The following ACACB variants were observed in gnomAD, a reference collection of about 807,000 sequenced individuals.
ACACB encodes the protein acetyl-CoA carboxylase beta.
A neutral mutation model predicts 278.8 loss-of-function variants in ACACB; 209 were observed. The observed-to-expected ratio is 0.75, with a 90% confidence interval of 0.67 to 0.84. The LOEUF (loss-of-function observed/expected upper bound fraction) is 0.84, where lower values mean the gene tolerates loss of function less well. ACACB is among the 40% of genes least tolerant of loss of function. The pLI is 0.00. For missense variants in ACACB, 2,850 were observed against 3,269.0 expected, an observed-to-expected ratio of 0.87 and a Z score of 3.13; for synonymous variants, 1,174 against 1,285.6, an observed-to-expected ratio of 0.91 and a Z score of 1.86.
At position 109,152,364 on chromosome 12, in the gene ACACB, C is replaced by A. The variant is rs758884676; in HGVS notation, c.653+12306C>A. Among the ~76,000 whole-genome samples the A allele has an allele frequency of 1.1e-3, 163 of 152,240 alleles. 4 individuals are homozygous for A. The highest frequency in any genetic ancestry group is 5.3e-4 in the African/African-American group (22 of 41,536). On this transcript the variant is annotated intron_variant, in intron 2 of 52. Coordinates refer to ENST00000338432, the MANE Select transcript of ACACB (RefSeq NM_001093.4). ...AATACTTGTTGGTTTTGGTTTGAAT[C>A]TCTAAAAATCAGGATACAGTGGGTT...
chr12:109,190,855 G>T (rs2044850409), intron 13 of ACACB, among the ~76,000 whole-genome samples: 1 of 151,986 alleles, frequency 6.6e-6, no homozygotes. Flanking sequence ...TTGAACTCAT[G>T]CCTCAAGCAA....
chr12:109,256,487 G>A (rs765276625), intron 45 of ACACB, among the ~76,000 whole-genome samples: 1 of 152,154 alleles, frequency 6.6e-6, no homozygotes, highest in Non-Finnish European at 1.5e-5. Flanking sequence ...AACCCCTTTG[G>A]GCATCAGAAG....
In ACACB at chr12:109,264,273, G is replaced by A. The variant is rs1418115427; in HGVS notation, c.6829G>A (p.Gly2277Ser). The A allele has an allele frequency of 1.2e-6, 2 of 1,614,072 alleles. No individual in the cohort carries two copies. The highest frequency in any genetic ancestry group is 1.7e-6 in the Non-Finnish European group (2 of 1,180,044). Residue 2277 changes from glycine to serine, a missense_variant, in exon 50 of 53, where the codon GGC (glycine) becomes AGC (serine). Gly to Ser is a moderately conservative substitution (Grantham distance 56). Coordinates refer to ENST00000338432, the MANE Select transcript of ACACB (RefSeq NM_001093.4). ...LSDKDRKDLE[G>S]RLKAREDLLL... ...CGACAAGGACCGAAAGGACCTGGAG[G>A]GCCGGCTAAAGGCTCGCGAGGACCT...
chr12:109,135,827 T>G (rs1204191696), intron 1 of ACACB, among the ~76,000 whole-genome samples: 1 of 124,456 alleles, frequency 8.0e-6, no homozygotes, highest in Non-Finnish European at 1.8e-5. Context: ...TTTTTTTTTT[T>G]GAGACGGAGT....
intron 3 of ACACB, among the ~76,000 whole-genome samples, 168 bp from the exon 4 acceptor site, chr12:109,167,728 G>A (rs992464672): frequency 6.8e-6 from 1 of 147,376 alleles, no homozygotes; most frequent in African/African-American, 2.5e-5. Context: ...TTGAGCTCCT[G>A]CTCTGTGCTG....
At chr12:109,156,439 G>T (rs1046529933) in intron 2 of ACACB, among the ~76,000 whole-genome samples, 5 of 151,482 alleles carry the variant, frequency 3.3e-5, no homozygotes, top group Non-Finnish European at 7.4e-5. Context: ...AAGGGAAGAG[G>T]ATTGCTTGAG....
In ACACB at chr12:109,242,519, T is replaced by C. The variant is rs1357564043; in HGVS notation, c.5105T>C (p.Leu1702Pro). ...INTPYVTKDL[L>P]QAKRFQAQTL... ...ACTCCCTACGTCACCAAGGATCTGCTCCAGGCCAAGCGATTCCAGGCCCAG... is the reference window on the plus strand; with the variant it reads ...ACTCCCTACGTCACCAAGGATCTGCCCCAGGCCAAGCGATTCCAGGCCCAG... Residue 1702 changes from leucine (L) to proline (P), a missense_variant, in exon 37 of 53, where the codon CTC becomes CCC. Transcript: ENST00000338432. The C allele has an allele frequency of 5.6e-6, 9 of 1,614,124 alleles. No homozygotes were observed. Among genetic ancestry groups the C allele is most frequent in the Non-Finnish European group, 7.6e-6 (9 of 1,180,020 alleles).
In ACACB at chr12:109,140,247, CTTCCTTCCATCCTTCCTTCCTTCT is replaced by C. The variant is rs1395500414; in HGVS notation, c.653+198_653+221del. Reference sequence around the variant, plus strand: ...CCTTCCTTCCTTCCTTCCTTCCTTCCTTCCTTCCATCCTTCCTTCCTTCTTTCCTTCCTTCCTTCCTTCCTTCCT... The same window carrying C: ...CCTTCCTTCCTTCCTTCCTTCCTTCCTTCCTTCCTTCCTTCCTTCCTTCCT... On this transcript the variant is annotated intron_variant, in intron 2 of 52. Coordinates refer to ENST00000338432, the MANE Select transcript of ACACB (RefSeq NM_001093.4). Among the ~76,000 whole-genome samples, 216 of 129,838 alleles carry C rather than the reference CTTCCTTCCATCCTTCCTTCCTTCT, an allele frequency of 1.7e-3. 6 individuals carry two copies. Among genetic ancestry groups the C allele is most frequent in the African/African-American group, 4.5e-3 (163 of 36,340 alleles). The allele number at this position is 129,838 out of a possible 152,430, so 85.2% of individuals were successfully genotyped here.
At chr12:109,266,175 C>T (rs190917687) in intron 52 of ACACB, 61 bp from the exon 53 acceptor site, 2 of 1,578,664 alleles carry the variant, frequency 1.3e-6, no homozygotes, top group Non-Finnish European at 1.7e-6. Context: ...ACTCTGCCAC[C>T]CTTGGGGCCA....
chr12:109,235,404 A>T, intron 32 of ACACB, 35 bp downstream of exon 32: 1 of 1,595,352 alleles, frequency 6.3e-7, no homozygotes, highest in African/African-American at 1.3e-5. Flanking sequence ...AGTCTTTCCC[A>T]TTCTCCAAGC....
chr12:109,264,600 G>A (rs956102005), intron 50 of ACACB, among the ~76,000 whole-genome samples: 3 of 152,082 alleles, frequency 2.0e-5, no homozygotes, highest in Admixed American at 6.5e-5. Context: ...GAAGCCAGGC[G>A]GTCGTATTTT....
At chr12:109,189,725 C>T (rs983830363) in intron 13 of ACACB, among the ~76,000 whole-genome samples, 1 of 152,178 alleles carries the variant, frequency 6.6e-6, no homozygotes, top group Admixed American at 6.5e-5. Flanking sequence ...CTTGTATGAC[C>T]TTACTGGGTC....
intron 13 of ACACB, among the ~76,000 whole-genome samples, chr12:109,188,450 C>G (rs931901360): frequency 7.3e-6 from 1 of 137,436 alleles, no homozygotes; most frequent in African/African-American, 2.7e-5. Context: ...TCCCTTCTTT[C>G]CTCCCTTCCT....
intron 24 of ACACB, among the ~76,000 whole-genome samples, chr12:109,220,386 G>T (rs73191161): frequency 1.3e-5 from 2 of 152,146 alleles, no homozygotes; most frequent in African/African-American, 4.8e-5. Flanking sequence ...GAATTTTTTT[G>T]AGGCTTTTAA....
At chr12:109,250,846 G>A (rs1476837119) in intron 41 of ACACB, among the ~76,000 whole-genome samples, 1 of 152,144 alleles carries the variant, frequency 6.6e-6, no homozygotes, top group African/African-American at 2.4e-5. Context: ...AAGTACACTT[G>A]GAAGAGGGCC....
Position 109,256,201 on chromosome 12 carries a change from A to G in ACACB, c.6228A>G (p.Ala2076=), listed in dbSNP as rs1198829472. 6.2e-7 allele frequency: 1 copy of G among 1,613,980 alleles called. No individual in the cohort carries two copies. The highest frequency in any genetic ancestry group is 8.5e-7 in the Non-Finnish European group (1 of 1,179,948). Residue 2076 remains alanine, a synonymous_variant, in exon 45 of 53, where the codon GCA becomes GCG. Coordinates refer to ENST00000338432, the MANE Select transcript of ACACB (RefSeq NM_001093.4). ...FDHGSFKEIM[A]PWAQTVVTGR... is the part of the protein sequence containing the mutation. Reference sequence around the variant, plus strand: ...ACGGCAGTTTCAAGGAAATCATGGCACCCTGGGCGCAGACCGTGGTGACAG... The same window carrying G: ...ACGGCAGTTTCAAGGAAATCATGGCGCCCTGGGCGCAGACCGTGGTGACAG...
At chr12:109,199,279 C>T in intron 17 of ACACB, 123 bp from the exon 18 acceptor site, 6 of 815,542 alleles carry the variant, frequency 7.4e-6, no homozygotes, top group South Asian at 4.6e-5. Context: ...AACTGCCACC[C>T]TTTGGGAATG....
chr12:109,145,303 A>C (rs942388569), intron 2 of ACACB, among the ~76,000 whole-genome samples: 14 of 152,070 alleles, frequency 9.2e-5, no homozygotes, highest in African/African-American at 3.4e-4. Flanking sequence ...CATATATTAA[A>C]ATTTTGTTTT....
chr12:109,170,480 C>T lies in ACACB; in HGVS notation c.926-1325C>T, dbSNP rs149838238. Among the ~76,000 whole-genome samples, 1,328 of 152,204 alleles carry T rather than the reference C, an allele frequency of 8.7e-3. 23 individuals carry two copies. Among genetic ancestry groups the T allele is most frequent in the African/African-American group, 0.03 (1,264 of 41,530 alleles). The stretch of plus-strand genomic sequence containing the variant: ...TCAGCCTTAAAAAGGAAGGAAATCC[C>T]GTCATATGTTACAACACAGATGAAC... On this transcript the variant is annotated intron_variant, in intron 4 of 52. Coordinates refer to ENST00000338432, the MANE Select transcript of ACACB (RefSeq NM_001093.4).
Sources: gnomAD v4.1 joint callset for allele counts (sites outside exome capture counted in the v4.1 genomes callset) on GRCh38, gnomAD v4.1.1 for gene constraint, MANE v1.5 for transcripts, NCBI Gene and HGNC (gene_info 2026-07-23, HGNC 2026-07-21) for gene names.